Variants in DOCK3 observed in about 807,000 individuals in gnomAD.
The protein encoded by DOCK3 is dedicator of cytokinesis 3, also known as dedicator of cytokinesis protein 3.
A neutral mutation model predicts 265.6 loss-of-function variants in DOCK3; 60 were observed. The ratio of observed to expected loss-of-function variants is 0.23; its 90% CI spans 0.18 to 0.28. The LOEUF (loss-of-function observed/expected upper bound fraction) is 0.28. DOCK3 is among the 10% of genes least tolerant of loss of function. The pLI is 1.00. For synonymous variants in DOCK3, 881 were observed against 938.0 expected, an observed-to-expected ratio of 0.94 and a Z score of 1.11; for missense variants, 1,981 against 2,594.3, an observed-to-expected ratio of 0.76 and a Z score of 5.14.
chr3:51,182,747 T>C (rs2087375827), intron 12 of DOCK3, among the ~76,000 whole-genome samples: 1 of 152,198 alleles, frequency 6.6e-6, no homozygotes, highest in African/African-American at 2.4e-5. Flanking sequence ...ATAGTGAAGA[T>C]TGTGATAATG....
chr3:50,857,865 T>G (rs1485523198), intron 3 of DOCK3, among the ~76,000 whole-genome samples: 1 of 152,224 alleles, frequency 6.6e-6, no homozygotes, highest in African/African-American at 2.4e-5. Context: ...TGGAAGACAG[T>G]GTGGTGATTC....
At chr3:51,298,838 G>T (rs921259492) in intron 27 of DOCK3, among the ~76,000 whole-genome samples, 2 of 152,166 alleles carry the variant, frequency 1.3e-5, no homozygotes, top group African/African-American at 4.8e-5. Context: ...TTGATTCCAT[G>T]TCTTTGCTAT....
At chr3:51,053,120 T>TATATATATATAA (rs1684450140) in intron 5 of DOCK3, among the ~76,000 whole-genome samples, 7 of 123,402 alleles carry the variant, frequency 5.7e-5, no homozygotes. Flanking sequence ...TATATATATA[T>TATATATATATAA]ATGGATTTTA....
intron 44 of DOCK3, 79 bp from the exon 45 acceptor site, chr3:51,357,679 A>T: frequency 7.0e-7 from 1 of 1,421,606 alleles, no homozygotes; most frequent in Non-Finnish European, 9.9e-7. Context: ...AGGTGGCATT[A>T]GTGGACTCAA....
rs545732432 is a variant in DOCK3, at chr3:51,371,939, A to G, written c.5294-2530A>G. 8.5e-5 allele frequency among the ~76,000 whole-genome samples: 13 copies of G among 152,326 alleles called. No homozygotes were observed. In the South Asian group the frequency reaches 2.7e-3, roughly 32 times the overall value. Reference sequence around the variant, plus strand: ...GTTCCAATCACATGCTTGGTGTGGAATGGGCATTAGATATGGGTTTGATGT... The same window carrying G: ...GTTCCAATCACATGCTTGGTGTGGAGTGGGCATTAGATATGGGTTTGATGT... On this transcript the variant is annotated intron_variant, in intron 49 of 52. Coordinates refer to ENST00000266037, the MANE Select transcript of DOCK3 (RefSeq NM_004947.5).
At chr3:50,904,348 A>G (rs944108658) in intron 4 of DOCK3, among the ~76,000 whole-genome samples, 1 of 152,234 alleles carries the variant, frequency 6.6e-6, no homozygotes, top group African/African-American at 2.4e-5. Context: ...GCTGTCTTCC[A>G]TAATGGTTGA....
intron 5 of DOCK3, among the ~76,000 whole-genome samples, chr3:50,992,909 G>T (rs1438298751): frequency 6.6e-6 from 1 of 152,102 alleles, no homozygotes; most frequent in Non-Finnish European, 1.5e-5. Context: ...ATCAAAAAAA[G>T]CCCAGGACCT....
intron 4 of DOCK3, among the ~76,000 whole-genome samples, chr3:50,912,491 G>A (rs1298746577): frequency 6.6e-6 from 1 of 152,132 alleles, no homozygotes; most frequent in Non-Finnish European, 1.5e-5. Context: ...GTCAGCAGGT[G>A]GCAAAGCCAG....
chr3:51,053,296 C>T (rs932928033), intron 5 of DOCK3, among the ~76,000 whole-genome samples: 1 of 150,780 alleles, frequency 6.6e-6, no homozygotes, highest in South Asian at 2.1e-4. Flanking sequence ...TATATCTTGA[C>T]TTTTCTATTT....
chr3:51,310,155 T>C, intron 27 of DOCK3, 77 bp from the exon 28 acceptor site: 1 of 1,102,770 alleles, frequency 9.1e-7, no homozygotes, highest in Non-Finnish European at 1.4e-6. Context: ...CATGATCTAG[T>C]GGCGGCCAGG....
intron 12 of DOCK3, among the ~76,000 whole-genome samples, chr3:51,184,316 CAA>C (rs34084936): frequency 4.3e-5 from 6 of 137,932 alleles, no homozygotes; most frequent in Non-Finnish European, 4.6e-5. Flanking sequence ...TGCTTTGAAA[CAA>C]AAAAAAAAAA....
intron 1 of DOCK3, among the ~76,000 whole-genome samples, chr3:50,717,669 C>T (rs1308270692): frequency 6.6e-6 from 1 of 152,226 alleles, no homozygotes; most frequent in East Asian, 1.9e-4. Flanking sequence ...GTTCCTCAAG[C>T]TGGAGTGCAG....
chr3:50,886,728 C>A (rs938956753), intron 3 of DOCK3, among the ~76,000 whole-genome samples: 11 of 151,858 alleles, frequency 7.2e-5, no homozygotes, highest in Admixed American at 5.9e-4. Context: ...CATGTCCCTA[C>A]AAAGGACATG....
At chr3:51,362,484 G>A (rs1229224876) in intron 48 of DOCK3, 43 bp from the exon 49 acceptor site, 16 of 1,612,612 alleles carry the variant, frequency 9.9e-6, no homozygotes, top group Non-Finnish European at 1.2e-5. Context: ...CTAAAGTCCT[G>A]GCCATTCAGA....
intron 6 of DOCK3, among the ~76,000 whole-genome samples, chr3:51,065,542 A>G (rs1298977873): frequency 6.6e-6 from 1 of 152,208 alleles, no homozygotes; most frequent in Non-Finnish European, 1.5e-5. Flanking sequence ...TTTGAAAAGG[A>G]CTTGGCTTAA....
intron 22 of DOCK3, among the ~76,000 whole-genome samples, chr3:51,251,233 G>A (rs1576544409): frequency 6.6e-6 from 1 of 152,230 alleles, no homozygotes; most frequent in East Asian, 1.9e-4. Flanking sequence ...ATTCCATGGT[G>A]TATATGTGCC....
chr3:51,276,453 T>G, intron 25 of DOCK3: 1 of 985,286 alleles, frequency 1.0e-6, no homozygotes, highest in African/African-American at 1.7e-5. Context: ...CAGTAAAAAC[T>G]TGGAGGTGAC....
intron 2 of DOCK3, among the ~76,000 whole-genome samples, chr3:50,835,792 A>G (rs2045473126): frequency 6.6e-6 from 1 of 152,168 alleles, no homozygotes; most frequent in Non-Finnish European, 1.5e-5. Context: ...AAGACAGTGC[A>G]ATGATTTTAC....
intron 27 of DOCK3, among the ~76,000 whole-genome samples, chr3:51,310,003 T>C (rs1159118826): frequency 6.6e-6 from 1 of 152,190 alleles, no homozygotes; most frequent in African/African-American, 2.4e-5. Flanking sequence ...ACTGTGGGTA[T>C]AGAGCTACCT....
Sources: allele counts gnomAD v4.1 joint callset (sites outside exome capture counted in the v4.1 genomes callset), GRCh38; gene constraint gnomAD v4.1.1; transcripts MANE v1.5; gene names NCBI Gene and HGNC (gene_info 2026-07-23, HGNC 2026-07-21).